Variants in INO80C observed in about 807,000 individuals in gnomAD.
INO80C encodes INO80 complex subunit C.
A neutral mutation model predicts 17.7 loss-of-function variants in INO80C; 17 were observed. The ratio of observed to expected loss-of-function variants is 0.96; its 90% CI spans 0.66 to 1.44. INO80C has a LOEUF of 1.44. Among genes scored for constraint, INO80C ranks in the 40% most tolerant of loss-of-function variants. The pLI is 0.00. For synonymous variants in INO80C, 96 were observed against 95.8 expected (o/e 1.00, Z -0.01); for missense variants, 244 against 245.0 (o/e 1.00, Z 0.03).
chr18:35,482,571 G>A (rs1474723848), intron 1 of INO80C, among the ~76,000 whole-genome samples: 2 of 152,036 alleles, frequency 1.3e-5, no homozygotes, highest in African/African-American at 4.8e-5. Flanking sequence ...TCTCCTCTGT[G>A]GCCGCCACCT....
intron 1 of INO80C, among the ~76,000 whole-genome samples, chr18:35,484,982 T>C (rs2045855551): frequency 6.6e-6 from 1 of 152,206 alleles, no homozygotes; most frequent in African/African-American, 2.4e-5. Context: ...TTCTGGAGGC[T>C]AGAAGTCCAA....
Position 35,488,893 on chromosome 18 carries a change from G to A in INO80C, c.157-8330C>T, listed in dbSNP as rs1036594608. On this transcript the variant is annotated intron_variant, in intron 1 of 4. Transcript: ENST00000334598. ...TAGAAATTTCTTCTGCCAGATACCC[G>A]AAATCATCTCCCTCAAGTTCAAAGT... Among the ~76,000 whole-genome samples, 7 of 152,106 alleles carry A rather than the reference G, an allele frequency of 4.6e-5. No individual in the cohort carries two copies. In the East Asian group the frequency reaches 7.7e-4, roughly 17 times the overall value.
chr18:35,489,050 T>C, intron 1 of INO80C: 1 of 175,580 alleles, frequency 5.7e-6, no homozygotes. Flanking sequence ...GATTTCATTG[T>C]CCATATCATT....
chr18:35,482,230 T>C (rs1330299072), intron 1 of INO80C, among the ~76,000 whole-genome samples: 1 of 152,196 alleles, frequency 6.6e-6, no homozygotes, highest in Non-Finnish European at 1.5e-5. Flanking sequence ...CATCATGTTG[T>C]CATGTGGAAT....
chr18:35,472,177 C>G (rs1567977844), intron 4 of INO80C, among the ~76,000 whole-genome samples: 1 of 152,224 alleles, frequency 6.6e-6, no homozygotes. Flanking sequence ...GGAATCGCCA[C>G]ACTGTCTTCC....
At chr18:35,476,435 T>C (rs1202699231) in intron 4 of INO80C, among the ~76,000 whole-genome samples, 1 of 152,226 alleles carries the variant, frequency 6.6e-6, no homozygotes, top group African/African-American at 2.4e-5. Context: ...AAATATACCA[T>C]AGATGTTAAT....
Position 35,479,393 on chromosome 18 carries a change from C to G in INO80C, c.286G>C (p.Ala96Pro). 6.2e-7 allele frequency: 1 copy of G among 1,613,520 alleles called. No individual in the cohort carries two copies. The highest frequency in any genetic ancestry group is 8.5e-7 in the Non-Finnish European group (1 of 1,179,532). ...PNFVHSGHGG[A>P]VAGKKNRTWK... Reference sequence around the variant, plus strand: ...GTTCTGTTCTTCTTGCCAGCTACTGCGCCACCGTGGCCAGAGTGCTTGAAT... The same window carrying G: ...GTTCTGTTCTTCTTGCCAGCTACTGGGCCACCGTGGCCAGAGTGCTTGAAT... Residue 96 changes from alanine to proline, a missense_variant, in exon 3 of 5, where the codon GCA (alanine) becomes CCA (proline). Physicochemically the swap from Ala to Pro is conservative, Grantham distance 27. Transcript: ENST00000334598.
chr18:35,471,535 C>A (rs182510204), intron 4 of INO80C, among the ~76,000 whole-genome samples: 60 of 152,240 alleles, frequency 3.9e-4, no homozygotes, highest in African/African-American at 1.3e-3. Context: ...GATGTTGCTT[C>A]CAGCATTTTG....
intron 1 of INO80C, among the ~76,000 whole-genome samples, chr18:35,481,247 CAAA>C (rs964487189): frequency 3.3e-5 from 5 of 152,016 alleles, no homozygotes; most frequent in African/African-American, 1.2e-4. Context: ...TGGTTTAAAG[CAAA>C]AAACCTTTAA....
intron 1 of INO80C, among the ~76,000 whole-genome samples, chr18:35,483,076 AAG>A (rs1291689485): frequency 2.0e-5 from 3 of 152,230 alleles, no homozygotes; most frequent in Non-Finnish European, 4.4e-5. Flanking sequence ...ATACAGCAAA[AAG>A]AGTCTCCAAT....
intron 1 of INO80C, chr18:35,487,402 G>T: frequency 2.5e-6 from 1 of 399,676 alleles, no homozygotes; most frequent in Non-Finnish European, 4.9e-6. Context: ...ACGCGGCTGG[G>T]GAGGCCTCAC....
chr18:35,497,582 C>A (rs1567992124), intron 1 of INO80C, 137 bp downstream of exon 1: 2 of 1,427,232 alleles, frequency 1.4e-6, no homozygotes, highest in South Asian at 1.5e-5. Flanking sequence ...TCATTCACTC[C>A]GCGGGGCAGC....
chr18:35,496,312 C>T (rs2144098218), intron 1 of INO80C, among the ~76,000 whole-genome samples: 1 of 152,314 alleles, frequency 6.6e-6, no homozygotes, highest in South Asian at 2.1e-4. Flanking sequence ...CTCTCAAAAA[C>T]ATTGTCTCAA....
chr18:35,471,596 ATTTC>A (rs2045670428), intron 4 of INO80C, among the ~76,000 whole-genome samples: 1 of 151,032 alleles, frequency 6.6e-6, no homozygotes, highest in Non-Finnish European at 1.5e-5. Flanking sequence ...TGTGCACACT[ATTTC>A]TTTTTTTTTT....
At chr18:35,474,618 T>C (rs1236875377) in intron 4 of INO80C, among the ~76,000 whole-genome samples, 2 of 152,014 alleles carry the variant, frequency 1.3e-5, no homozygotes, top group Admixed American at 6.6e-5. Flanking sequence ...GCCCAGGAGT[T>C]TGAGGCTGTA....
chr18:35,470,651 G>A (rs946482194), intron 4 of INO80C, among the ~76,000 whole-genome samples: 10 of 152,156 alleles, frequency 6.6e-5, no homozygotes, highest in Admixed American at 3.3e-4. Context: ...GAGCCGGCCC[G>A]CCCAAGTTCA....
At chr18:35,473,544 C>A (rs1199884808) in intron 4 of INO80C, among the ~76,000 whole-genome samples, 1 of 152,160 alleles carries the variant, frequency 6.6e-6, no homozygotes, top group Non-Finnish European at 1.5e-5. Context: ...AGTCCATAAC[C>A]ATGGGCTGGG....
chr18:35,482,212 C>A (rs2045817388), intron 1 of INO80C, among the ~76,000 whole-genome samples: 1 of 152,094 alleles, frequency 6.6e-6, no homozygotes, highest in Admixed American at 6.5e-5. Context: ...AGAGTTAAGG[C>A]TAAAAGTCAT....
At chr18:35,469,928 T>C (rs2144019965) in intron 4 of INO80C, among the ~76,000 whole-genome samples, 1 of 152,326 alleles carries the variant, frequency 6.6e-6, no homozygotes, top group Non-Finnish European at 1.5e-5. Flanking sequence ...CAAAATTCTC[T>C]CTTGGTCTCT....
Sources: gnomAD v4.1 joint callset for allele counts (sites outside exome capture counted in the v4.1 genomes callset) on GRCh38, gnomAD v4.1.1 for gene constraint, MANE v1.5 for transcripts, NCBI Gene and HGNC (gene_info 2026-07-23, HGNC 2026-07-21) for gene names.